Variants in RFPL1 observed in about 807,000 individuals in gnomAD.
RFPL1 encodes ret finger protein like 1, also known as ret finger protein-like 1.
Under a neutral mutation model 9.6 loss-of-function variants are expected in RFPL1, and 6 were observed. The observed-to-expected ratio is 0.62, with a 90% CI of 0.34 to 1.23. RFPL1 has a LOEUF of 1.23. Ranked by LOEUF, RFPL1 falls within the 50% of genes most tolerant of loss-of-function variation. The pLI, the probability that RFPL1 is intolerant of heterozygous loss-of-function variation, is 0.03. For missense variants in RFPL1, 352 were observed against 398.4 expected (o/e 0.88, Z 0.99); for synonymous variants, 145 against 149.4 (o/e 0.97, Z 0.22).
At chr22:29,388,644 T>A in the RFPL1 span, 18 of 152,308 alleles carry the variant, frequency 1.2e-4, no homozygotes, top group African/African-American at 4.3e-4. Flanking sequence ...GCGGGGGTGG[T>A]GCCCGTGGGG....
At chr22:29,431,651 A>C in the RFPL1 span, among the ~76,000 whole-genome samples, 3 of 151,640 alleles carry the variant, frequency 2.0e-5, no homozygotes, top group South Asian at 6.2e-4. Context: ...ATTTTAATAC[A>C]AAAAAGTTAT....
chr22:29,405,817 T>C, the RFPL1 span, among the ~76,000 whole-genome samples: 1 of 152,040 alleles, frequency 6.6e-6, no homozygotes, highest in East Asian at 1.9e-4. Flanking sequence ...ATCAAAGAAA[T>C]AACACATCTC....
At chr22:29,441,775 C>T (rs759024645) in exon 2 of RFPL1, 34 of 1,613,762 alleles carry the variant, frequency 2.1e-5, no homozygotes, top group South Asian at 9.9e-5. Flanking sequence ...ATCTGTTCAC[C>T]GCAAAGGGAG....
chr22:29,423,275 A>C, the RFPL1 span: 1 of 1,119,440 alleles, frequency 8.9e-7, no homozygotes, highest in Non-Finnish European at 1.4e-6. Flanking sequence ...AGAAGGATCC[A>C]GAACACATGT....
the RFPL1 span, chr22:29,388,463 G>C: frequency 6.6e-6 from 1 of 152,198 alleles, no homozygotes; most frequent in Non-Finnish European, 1.5e-5. Context: ...GGCTCGGTTC[G>C]GCTTGGCACC....
chr22:29,412,175 G>T, the RFPL1 span, among the ~76,000 whole-genome samples: 1 of 152,180 alleles, frequency 6.6e-6, no homozygotes, highest in African/African-American at 2.4e-5. Flanking sequence ...GACAGGACAC[G>T]AGTCAGTAGG....
chr22:29,433,699 G>C (rs1206102974), upstream of RFPL1, among the ~76,000 whole-genome samples: 1 of 152,102 alleles, frequency 6.6e-6, no homozygotes, highest in African/African-American at 2.4e-5. Context: ...TCTCAGCTGT[G>C]AGTATAGATT....
upstream of RFPL1, chr22:29,437,586 C>A: frequency 6.4e-7 from 1 of 1,562,838 alleles, no homozygotes; most frequent in South Asian, 1.1e-5. Context: ...AAATCAAAGC[C>A]TCATTAGGTT....
At chr22:29,398,246 C>G in the RFPL1 span, among the ~76,000 whole-genome samples, 1 of 152,204 alleles carries the variant, frequency 6.6e-6, no homozygotes, top group African/African-American at 2.4e-5. Flanking sequence ...GACCCCAGTT[C>G]AGGCCTCAGT....
At chr22:29,439,895 T>C (rs1041354094) in intron 1 of RFPL1, 21 of 152,218 alleles carry the variant, frequency 1.4e-4, no homozygotes, top group African/African-American at 5.1e-4. Flanking sequence ...TGGCACCCAC[T>C]GTACCAAACA....
the RFPL1 span, among the ~76,000 whole-genome samples, chr22:29,420,658 TG>T: frequency 1.4e-5 from 2 of 138,518 alleles, no homozygotes; most frequent in Admixed American, 7.3e-5. Flanking sequence ...TTTTTTTTTT[TG>T]AGACGAAGTC....
At chr22:29,436,997 G>A (rs1225975467), upstream of RFPL1, 2 of 152,258 alleles carry the variant, frequency 1.3e-5, no homozygotes, top group Non-Finnish European at 2.9e-5. Context: ...GATTCAAATG[G>A]AAGAAAGCAC....
the RFPL1 span, among the ~76,000 whole-genome samples, chr22:29,389,311 C>G: frequency 1.3e-5 from 2 of 151,924 alleles, no homozygotes; most frequent in African/African-American, 4.8e-5. Flanking sequence ...TAGCTTGAGC[C>G]CAGGAGGTTG....
the RFPL1 span, among the ~76,000 whole-genome samples, chr22:29,414,421 G>A: frequency 6.6e-6 from 1 of 152,138 alleles, no homozygotes; most frequent in African/African-American, 2.4e-5. Context: ...CTATAAATAA[G>A]ACATTGCTTA....
chr22:29,442,252 C>A lies in RFPL1; in HGVS notation c.*130C>A, dbSNP rs542438732. On this transcript the variant is annotated 3_prime_UTR_variant, in exon 2 of 2. Transcript: ENST00000354373. The stretch of plus-strand genomic sequence containing the variant: ...AAATATGGGACAATTCATGATTATA[C>A]TTAATCTAATTTGATTAGTTTATAA... 7.1e-5 allele frequency: 43 copies of A among 603,476 alleles called. No homozygotes were observed. The South Asian group carries it at 1.7e-3, about 24-fold the overall frequency. The allele number at this position is 603,476 out of a possible 1,614,324, so 37.4% of individuals were successfully genotyped here.
At chr22:29,416,261 G>A in the RFPL1 span, among the ~76,000 whole-genome samples, 2 of 152,150 alleles carry the variant, frequency 1.3e-5, no homozygotes, top group African/African-American at 4.8e-5. Context: ...TCTCATCTCA[G>A]CTTCAGAAGG....
chr22:29,390,849 C>T, the RFPL1 span, among the ~76,000 whole-genome samples: 1 of 151,790 alleles, frequency 6.6e-6, no homozygotes, highest in African/African-American at 2.4e-5. Flanking sequence ...CCGCCCGCCT[C>T]AGCCTCCCAA....
At chr22:29,397,008 G>A in the RFPL1 span, among the ~76,000 whole-genome samples, 10 of 140,374 alleles carry the variant, frequency 7.1e-5, no homozygotes, top group Non-Finnish European at 1.4e-4. Flanking sequence ...CCGGGTTCAC[G>A]CCATTCTCCT....
upstream of RFPL1, chr22:29,434,492 A>T (rs1382558445): frequency 2.5e-5 from 4 of 158,412 alleles, no homozygotes; most frequent in Non-Finnish European, 5.9e-5. Flanking sequence ...ATTTCTGAAG[A>T]CCTGTGGAGT....
Sources: gnomAD v4.1 joint callset for allele counts (sites outside exome capture counted in the v4.1 genomes callset) on GRCh38, gnomAD v4.1.1 for gene constraint, MANE v1.5 for transcripts, NCBI Gene and HGNC (gene_info 2026-07-23, HGNC 2026-07-21) for gene names.